Variants in LIN9 observed in about 807,000 individuals in gnomAD.
LIN9 encodes protein lin-9 homolog.
In LIN9, 18 loss-of-function variants were observed where a neutral mutation model predicts 78.0. The ratio of observed to expected loss-of-function variants is 0.23; its 90% CI spans 0.16 to 0.34. The LOEUF (loss-of-function observed/expected upper bound fraction) is 0.34. LIN9 is among the 10% of genes least tolerant of loss of function. LIN9 has a pLI of 1.00. For synonymous variants in LIN9, 192 were observed against 215.2 expected, an observed-to-expected ratio of 0.89 and a Z score of 0.94; for missense variants, 451 against 644.1, an observed-to-expected ratio of 0.70 and a Z score of 3.25.
At chr1:226,309,287 C>T (rs1261679403), upstream of LIN9, 26 of 1,073,876 alleles carry the variant, frequency 2.4e-5, no homozygotes, top group East Asian at 1.9e-4. Context: ...CTGAGGCGGG[C>T]CCGGCTCCGC....
At position 226,233,197 on chromosome 1, in the gene LIN9, A is replaced by C; in HGVS notation, c.1426-4T>G. The C allele has an allele frequency of 6.3e-7, 1 of 1,591,624 alleles. No individual in the cohort carries two copies. The highest frequency in any genetic ancestry group is 8.5e-7 in the Non-Finnish European group (1 of 1,170,312). ...GGTCTCCTCCTTCTGCTAGACACTA[A>C]AGGGAAAAAAATTTCAAAATTTAAT... is the stretch of plus-strand genomic sequence containing the variant. On this transcript the variant is annotated splice_region_variant and splice_polypyrimidine_tract_variant and intron_variant, in intron 13 of 14. Coordinates refer to ENST00000681046, the MANE Select transcript of LIN9 (RefSeq NM_001366245.2).
In LIN9 at chr1:226,232,210, C is replaced by T; in HGVS notation, c.*291G>A. On this transcript the variant is annotated 3_prime_UTR_variant, in exon 15 of 15. Transcript: ENST00000681046. ...CATTAAAAAAAATGGTCAATGTATT[C>T]TTCCACGAAATTATATTATGTTCAG... 2.5e-6 allele frequency: 1 copy of T among 400,904 alleles called. No homozygotes were observed. 24.8% of individuals were successfully genotyped at this position (400,904 alleles called of 1,614,324 possible). A position where few individuals can be genotyped will look rare whatever the true frequency, so the allele number is the denominator to read the frequency against.
At chr1:226,240,695 GTTT>G (rs1440879061) in intron 11 of LIN9, among the ~76,000 whole-genome samples, 1 of 151,468 alleles carries the variant, frequency 6.6e-6, no homozygotes, top group Non-Finnish European at 1.5e-5. Context: ...GGCCTGTTTT[GTTT>G]TTTAGAGACA....
At chr1:226,274,482 T>C (rs955406285) in intron 7 of LIN9, among the ~76,000 whole-genome samples, 2 of 152,186 alleles carry the variant, frequency 1.3e-5, no homozygotes, top group Non-Finnish European at 2.9e-5. Flanking sequence ...GGTATCCTGC[T>C]TGGGGTTCAG....
upstream of LIN9, chr1:226,309,701 T>C (rs1414491101): frequency 9.3e-6 from 12 of 1,287,316 alleles, no homozygotes; most frequent in East Asian, 5.6e-4. Flanking sequence ...AGCAGCCCCC[T>C]GCGCGTCGCG....
chr1:226,262,246 G>A lies in LIN9; in HGVS notation c.1038+3287C>T, dbSNP rs78388646. Among the ~76,000 whole-genome samples the A allele has an allele frequency of 1.4e-3, 207 of 152,284 alleles. 4 individuals carry two copies. In the East Asian group the frequency reaches 0.032, roughly 23 times the overall value. On this transcript the variant is annotated intron_variant, in intron 10 of 14. Coordinates refer to ENST00000681046, the MANE Select transcript of LIN9 (RefSeq NM_001366245.2). ...CAACCAACTTTAGATATGACATCAA[G>A]GGCATGATCCATGTAAGAATGAAAT...
At chr1:226,236,666 C>T (rs1657738208) in intron 12 of LIN9, among the ~76,000 whole-genome samples, 1 of 152,102 alleles carries the variant, frequency 6.6e-6, no homozygotes, top group Non-Finnish European at 1.5e-5. Context: ...ACCGTGTTAG[C>T]CAGGATGGTC....
chr1:226,266,944 T>C (rs1417670403), intron 8 of LIN9, among the ~76,000 whole-genome samples: 1 of 151,886 alleles, frequency 6.6e-6, no homozygotes, highest in Non-Finnish European at 1.5e-5. Flanking sequence ...CCCACCCAGC[T>C]AATTTTTGTA....
intron 6 of LIN9, among the ~76,000 whole-genome samples, chr1:226,282,320 G>C (rs1661118502): frequency 6.6e-6 from 1 of 152,062 alleles, no homozygotes; most frequent in African/African-American, 2.4e-5. Context: ...AATTTCATCT[G>C]TGTGCAAGTA....
At chr1:226,242,567 G>T (rs575809554) in intron 11 of LIN9, among the ~76,000 whole-genome samples, 2 of 152,302 alleles carry the variant, frequency 1.3e-5, no homozygotes, top group South Asian at 4.1e-4. Context: ...AAAAGGAACA[G>T]GCTGATATAG....
chr1:226,238,422 C>T (rs962893358), intron 12 of LIN9, among the ~76,000 whole-genome samples: 4 of 152,058 alleles, frequency 2.6e-5, no homozygotes, highest in African/African-American at 9.7e-5. Context: ...CTTGAGCCCA[C>T]GAGTTTGAGA....
At chr1:226,308,280 G>C (rs1430878313) in intron 1 of LIN9, among the ~76,000 whole-genome samples, 4 of 152,156 alleles carry the variant, frequency 2.6e-5, no homozygotes, top group Non-Finnish European at 5.9e-5. Context: ...CAACACAAGT[G>C]AGCATACATG....
rs139272484 is a variant in LIN9 at position 226,267,318 on chromosome 1, A to ATATGTATG, written c.816+631_816+638dup. Among the ~76,000 whole-genome samples, 177 of 140,896 alleles carry ATATGTATG rather than the reference A, an allele frequency of 1.3e-3. 2 individuals are homozygous for ATATGTATG. The highest frequency in any genetic ancestry group is 3.5e-3 in the Middle Eastern group (1 of 282). The allele number at this position is 140,896 out of a possible 152,430, so 92.4% of individuals were successfully genotyped here. ...ATGTGTGTGTATATATATTATGTATATATGTATGTATGTATGTATGTATGT... is the reference window on the plus strand; with the variant it reads ...ATGTGTGTGTATATATATTATGTATATATGTATGTATGTATGTATGTATGTATGTATGT... On this transcript the variant is annotated intron_variant, in intron 8 of 14. Coordinates refer to ENST00000681046, the MANE Select transcript of LIN9 (RefSeq NM_001366245.2).
intron 11 of LIN9, among the ~76,000 whole-genome samples, chr1:226,247,126 T>C (rs1435756690): frequency 1.3e-5 from 2 of 152,192 alleles, no homozygotes; most frequent in Non-Finnish European, 2.9e-5. Context: ...TCTAATCTGC[T>C]GTGGTTGTAT....
At chr1:226,268,932 T>A (rs1409322575) in intron 7 of LIN9, among the ~76,000 whole-genome samples, 1 of 152,202 alleles carries the variant, frequency 6.6e-6, no homozygotes, top group African/African-American at 2.4e-5. Flanking sequence ...TACCCATGAG[T>A]ACATGTGCTG....
chr1:226,240,386 GTTTTTTT>G, intron 11 of LIN9, among the ~76,000 whole-genome samples: 1 of 123,982 alleles, frequency 8.1e-6, no homozygotes, highest in East Asian at 2.4e-4. Context: ...CTTGTTCTAA[GTTTTTTT>G]TTTTTTTTTT....
intron 1 of LIN9, among the ~76,000 whole-genome samples, chr1:226,303,902 G>A (rs1282053191): frequency 2.6e-5 from 4 of 152,174 alleles, no homozygotes; most frequent in Non-Finnish European, 2.9e-5. Context: ...CACCGCAACC[G>A]GTCCTTCTTT....
chr1:226,251,147 C>G (rs1480384062), intron 10 of LIN9, among the ~76,000 whole-genome samples: 1 of 152,104 alleles, frequency 6.6e-6, no homozygotes, highest in African/African-American at 2.4e-5. Flanking sequence ...ACCTCTGCCT[C>G]CCAGTTCAAG....
Position 226,266,212 on chromosome 1 carries a change from C to A in LIN9, c.936+1G>T. 6.4e-7 allele frequency: 1 copy of A among 1,557,616 alleles called. No homozygotes were observed. ...TATTGATATTTCTAAAATATACTTA[C>A]TATAATTGGTGACTGGAGAGGAGGA... is the stretch of plus-strand genomic sequence containing the variant. On this transcript the variant is annotated splice_donor_variant, in intron 9 of 14. Coordinates refer to ENST00000681046, the MANE Select transcript of LIN9 (RefSeq NM_001366245.2). LOFTEE classifies it high-confidence loss of function.
Sources: gnomAD v4.1 joint callset for allele counts (sites outside exome capture counted in the v4.1 genomes callset) on GRCh38, gnomAD v4.1.1 for gene constraint, MANE v1.5 for transcripts, NCBI Gene and HGNC (gene_info 2026-07-23, HGNC 2026-07-21) for gene names.